SPRY3: variants seen among roughly 807,000 people sequenced by gnomAD.
SPRY3 encodes the protein protein sprouty homolog 3.
In SPRY3, 15 loss-of-function variants were observed where a neutral mutation model predicts 20.2. The observed-to-expected ratio is 0.74, with a 90% confidence interval of 0.50 to 1.14. The LOEUF (loss-of-function observed/expected upper bound fraction) is 1.14. SPRY3 is among the 50% of genes most tolerant of loss of function. The pLI, the probability that SPRY3 is intolerant of heterozygous loss-of-function variation, is 0.00. For synonymous variants in SPRY3, 143 were observed against 136.5 expected (o/e 1.05, Z -0.33); for missense variants, 364 against 363.9 (o/e 1.00, Z 0.00).
chrX:155,718,767 A>G (rs1229422512), intron 2 of SPRY3, among the ~76,000 whole-genome samples: 2 of 152,226 alleles, frequency 1.3e-5, no homozygotes, highest in Non-Finnish European at 2.9e-5. Context: ...GTATAAGATC[A>G]TTTAAAAAAT....
At chrX:155,618,028 G>A (rs1557349072) in intron 1 of SPRY3, among the ~76,000 whole-genome samples, 1 of 111,931 alleles carries the variant, frequency 8.9e-6, no homozygotes, top group Non-Finnish European at 1.9e-5. Flanking sequence ...GAGCATATTT[G>A]AATTTTACCA....
rs192313475 is a variant in SPRY3, at chrX:155,737,363, G to A, written c.-281-30599G>A. Reference sequence around the variant, plus strand: ...TGCTAGTTATCTGTGAAACAATGGTGAGCACAATAGAAATAATCCTTGTCA... The same window carrying A: ...TGCTAGTTATCTGTGAAACAATGGTAAGCACAATAGAAATAATCCTTGTCA... On this transcript the variant is annotated intron_variant, in intron 2 of 3. Transcript: ENST00000675360. 5.9e-5 allele frequency among the ~76,000 whole-genome samples: 9 copies of A among 152,150 alleles called. No homozygotes were observed. In the East Asian group the frequency reaches 1.7e-3, roughly 29 times the overall value.
intron 2 of SPRY3, among the ~76,000 whole-genome samples, chrX:155,738,054 T>A (rs980586107): frequency 4.6e-5 from 7 of 152,076 alleles, no homozygotes; most frequent in African/African-American, 1.4e-4. Flanking sequence ...GCAAAATAGA[T>A]CATGGATTTA....
intron 2 of SPRY3, among the ~76,000 whole-genome samples, chrX:155,734,173 T>C (rs1049951838): frequency 6.6e-6 from 1 of 152,122 alleles, no homozygotes; most frequent in Non-Finnish European, 1.5e-5. Flanking sequence ...CCGACATGTC[T>C]TTTTTACTAA....
At chrX:155,745,407 A>G (rs2091221076) in intron 2 of SPRY3, among the ~76,000 whole-genome samples, 1 of 152,106 alleles carries the variant, frequency 6.6e-6, no homozygotes, top group Admixed American at 6.6e-5. Context: ...ATTGAGAGCT[A>G]CTGACAACTT....
chrX:155,704,576 A>C (rs1279908089), intron 2 of SPRY3, among the ~76,000 whole-genome samples: 1 of 151,756 alleles, frequency 6.6e-6, no homozygotes, highest in Non-Finnish European at 1.5e-5. Context: ...CCAAAGAAAA[A>C]GAGAGAAAGA....
chrX:155,614,698 T>G (rs1557348700), intron 1 of SPRY3, among the ~76,000 whole-genome samples: 1 of 111,278 alleles, frequency 9.0e-6, no homozygotes, highest in African/African-American at 3.3e-5. Flanking sequence ...TATTTTACTT[T>G]TAATAAAATA....
Position 155,667,648 on chromosome X carries a change from T to C in SPRY3, c.-282+10623T>C, listed in dbSNP as rs781858803. Among the ~76,000 whole-genome samples, 8 of 110,832 alleles carry C rather than the reference T, an allele frequency of 7.2e-5. No individual in the cohort carries two copies. The South Asian group carries it at 3.0e-3, about 42-fold the overall frequency. On this transcript the variant is annotated intron_variant, in intron 2 of 3. Transcript: ENST00000675360. ...TGGTGGGTGTGTGTAGTAGTTCTTT[T>C]CATCAAAACATACCATTAATAGAGA...
intron 2 of SPRY3, among the ~76,000 whole-genome samples, chrX:155,764,649 T>A (rs189137295): frequency 6.3e-4 from 96 of 152,178 alleles, no homozygotes; most frequent in East Asian, 5.8e-4. Flanking sequence ...ACTGTCTAAA[T>A]TGGGAGACAG....
intron 2 of SPRY3, among the ~76,000 whole-genome samples, chrX:155,668,179 A>G (rs2068030262): frequency 9.0e-6 from 1 of 111,276 alleles, no homozygotes; most frequent in Non-Finnish European, 1.9e-5. Context: ...ATCATTTATA[A>G]TAGCCCCAAA....
At chrX:155,639,987 T>C (rs1557351295) in intron 1 of SPRY3, among the ~76,000 whole-genome samples, 5 of 112,466 alleles carry the variant, frequency 4.4e-5, no homozygotes, top group African/African-American at 1.6e-4. Context: ...CTTTTCATTA[T>C]CTGTTGGCCA....
rs1331951713 is a variant in SPRY3 at position 155,753,391 on chromosome X, C to T, written c.-281-14571C>T. Among the ~76,000 whole-genome samples the T allele has an allele frequency of 5.9e-5, 9 of 151,782 alleles. No homozygotes were observed. In the South Asian group the frequency reaches 1.7e-3, roughly 28 times the overall value. ...CTTCTTTCATTTATTGTGATGTTTT[C>T]AAGGTTCATTCATATTGTAGGATGT... On this transcript the variant is annotated intron_variant, in intron 2 of 3. Coordinates refer to ENST00000675360, the Ensembl canonical transcript of SPRY3.
intron 2 of SPRY3, among the ~76,000 whole-genome samples, chrX:155,683,022 G>T (rs2124568249): frequency 8.9e-6 from 1 of 111,992 alleles, no homozygotes; most frequent in East Asian, 2.8e-4. Context: ...ATGTGACTAA[G>T]CTGCTGCAAT....
At chrX:155,700,479 C>T (rs960524936) in intron 2 of SPRY3, among the ~76,000 whole-genome samples, 4 of 106,884 alleles carry the variant, frequency 3.7e-5, no homozygotes, top group Non-Finnish European at 7.7e-5. Context: ...ACTTGTACAC[C>T]AATGTTCATA....
Position 155,618,386 on chromosome X carries a change from A to C in SPRY3, c.-441+5739A>C, listed in dbSNP as rs1557349104. On this transcript the variant is annotated intron_variant, in intron 1 of 3. Transcript: ENST00000675360. ...CTTTTTTATTGTTGAGTGGTGTTTC[A>C]TGGTATGTATGTATCAGAGTTTGTT... Among the ~76,000 whole-genome samples the C allele has an allele frequency of 2.7e-5, 3 of 110,091 alleles. No individual in the cohort carries two copies. In the South Asian group the frequency reaches 1.1e-3, roughly 42 times the overall value.
chrX:155,751,534 C>T (rs2091262004), intron 2 of SPRY3, among the ~76,000 whole-genome samples: 1 of 151,828 alleles, frequency 6.6e-6, no homozygotes, highest in Non-Finnish European at 1.5e-5. Context: ...GAACATAAGT[C>T]ATATTCCTAC....
chrX:155,687,314 C>T (rs1048356457), intron 2 of SPRY3, among the ~76,000 whole-genome samples: 2 of 112,772 alleles, frequency 1.8e-5, no homozygotes. Context: ...TTGAGCCTGA[C>T]TGACATGCTT....
rs782575766 is a variant in SPRY3, at chrX:155,653,287, T to G, written c.-440-3580T>G. ...ATGGTTTTTAAAATTTTGTTACTTG[T>G]GCTTTTGGTGCCATATCTAAGAAAC... On this transcript the variant is annotated intron_variant, in intron 1 of 3. Coordinates refer to ENST00000675360, the Ensembl canonical transcript of SPRY3. Among the ~76,000 whole-genome samples the G allele has an allele frequency of 1.2e-4, 13 of 112,212 alleles. 1 individual carries two copies. Among genetic ancestry groups the G allele is most frequent in the Non-Finnish European group, 2.3e-4 (12 of 53,234 alleles).
chrX:155,674,961 T>C (rs1350702888), intron 2 of SPRY3, among the ~76,000 whole-genome samples: 3 of 111,928 alleles, frequency 2.7e-5, no homozygotes, highest in Non-Finnish European at 5.6e-5. Flanking sequence ...ATACCTGTAG[T>C]TCCTGCCCTT....
Sources: allele counts gnomAD v4.1 joint callset (sites outside exome capture counted in the v4.1 genomes callset), GRCh38; gene constraint gnomAD v4.1.1; transcripts MANE v1.5; gene names NCBI Gene and HGNC (gene_info 2026-07-23, HGNC 2026-07-21).